PARD3B: variants seen among roughly 807,000 people sequenced by gnomAD.
The protein encoded by PARD3B is par-3 family cell polarity regulator beta.
A neutral mutation model predicts 130.2 loss-of-function variants in PARD3B; 103 were observed. That is an observed-to-expected ratio of 0.79 (90% CI 0.67 to 0.93). The LOEUF is 0.93. Among genes scored for constraint, PARD3B ranks in the 40% least tolerant of loss-of-function variants. The probability of loss-of-function intolerance (pLI) is 0.00; values close to 1 mark genes in which losing one functional copy is unlikely to be tolerated. For missense variants in PARD3B, 1,609 were observed against 1,499.2 expected (o/e 1.07, Z -1.21); for synonymous variants, 583 against 553.2 (o/e 1.05, Z -0.76).
chr2:205,019,786 CA>C (rs1215469448), intron 3 of PARD3B, among the ~76,000 whole-genome samples: 2 of 152,002 alleles, frequency 1.3e-5, no homozygotes, highest in Non-Finnish European at 2.9e-5. Flanking sequence ...AACTTTGTTT[CA>C]AAGTTACAGA....
chr2:205,104,433 C>T lies in PARD3B; in HGVS notation c.512C>T (p.Thr171Met), dbSNP rs374453548. ...GACTTTGTTTCACTATAGGATTCCA[C>T]GCAGAACTTGGAAGACAGAGAAGTT... Reference protein sequence around the residue: ...QSLKLVVPDSTQNLEDREVLN... With the variant: ...QSLKLVVPDSMQNLEDREVLN... The change falls in exon 5 of 23, where the codon ACG (threonine) becomes ATG (methionine). Residue 171 changes from threonine (T) to methionine (M), a missense_variant. By Grantham distance (81) the Thr-to-Met change is moderately conservative (BLOSUM62 -1). Transcript: ENST00000406610. 29 of 1,595,546 alleles carry T rather than the reference C, an allele frequency of 1.8e-5. No individual in the cohort carries two copies. The highest frequency in any genetic ancestry group is 9.4e-5 in the African/African-American group (7 of 74,604).
intron 2 of PARD3B, among the ~76,000 whole-genome samples, chr2:204,867,845 A>C (rs2045486027): frequency 2.0e-5 from 3 of 152,198 alleles, no homozygotes; most frequent in Admixed American, 2.0e-4. Flanking sequence ...GTTAATCTTT[A>C]ACTGTTCTTT....
chr2:204,892,781 T>C (rs1260320676), intron 2 of PARD3B, among the ~76,000 whole-genome samples: 1 of 152,204 alleles, frequency 6.6e-6, no homozygotes, highest in Non-Finnish European at 1.5e-5. Context: ...GAGTCTTTTC[T>C]GTGCAACTAC....
At chr2:204,661,249 G>A (rs1313107257) in intron 1 of PARD3B, among the ~76,000 whole-genome samples, 2 of 152,118 alleles carry the variant, frequency 1.3e-5, no homozygotes, top group African/African-American at 2.4e-5. Flanking sequence ...ATTACCCAGT[G>A]ACATTCACAG....
intron 20 of PARD3B, among the ~76,000 whole-genome samples, chr2:205,478,121 G>T (rs2049089959): frequency 6.6e-6 from 1 of 152,192 alleles, no homozygotes; most frequent in Non-Finnish European, 1.5e-5. Flanking sequence ...TGTCCACAAA[G>T]TATTAATTCA....
At chr2:204,777,642 G>A (rs1344450391) in intron 2 of PARD3B, among the ~76,000 whole-genome samples, 1 of 152,078 alleles carries the variant, frequency 6.6e-6, no homozygotes, top group Non-Finnish European at 1.5e-5. Context: ...TGTGGTGCAT[G>A]CTTGTGGTCC....
At chr2:205,367,714 A>G (rs529903746) in intron 18 of PARD3B, among the ~76,000 whole-genome samples, 17 of 152,354 alleles carry the variant, frequency 1.1e-4, no homozygotes, top group African/African-American at 3.6e-4. Context: ...TCACCAGTGT[A>G]AGTGGGCTTG....
At chr2:204,743,601 C>T (rs1430186977) in intron 2 of PARD3B, among the ~76,000 whole-genome samples, 1 of 152,164 alleles carries the variant, frequency 6.6e-6, no homozygotes, top group African/African-American at 2.4e-5. Flanking sequence ...GGGTTTATAT[C>T]AGCCAGCTCA....
At chr2:205,411,051 G>A (rs554281666) in intron 19 of PARD3B, among the ~76,000 whole-genome samples, 2 of 152,140 alleles carry the variant, frequency 1.3e-5, no homozygotes, top group Admixed American at 1.3e-4. Context: ...TGACCCCAGT[G>A]GGTATTTGAC....
intron 3 of PARD3B, among the ~76,000 whole-genome samples, chr2:205,008,501 A>G (rs749832223): frequency 5.3e-5 from 8 of 152,184 alleles, no homozygotes; most frequent in Non-Finnish European, 1.0e-4. Flanking sequence ...TGACATTAAT[A>G]TAATACTTAA....
chr2:204,837,032 T>G (rs1490103219), intron 2 of PARD3B, among the ~76,000 whole-genome samples: 1 of 152,180 alleles, frequency 6.6e-6, no homozygotes, highest in Non-Finnish European at 1.5e-5. Flanking sequence ...AAATCACACT[T>G]TTGATACCCA....
intron 18 of PARD3B, among the ~76,000 whole-genome samples, chr2:205,395,306 T>C (rs1050779525): frequency 1.3e-5 from 2 of 152,260 alleles, no homozygotes; most frequent in Non-Finnish European, 2.9e-5. Context: ...AATGACTTTA[T>C]GTTGCCAAAT....
intron 21 of PARD3B, among the ~76,000 whole-genome samples, chr2:205,533,149 A>G (rs2051679147): frequency 6.6e-6 from 1 of 152,156 alleles, no homozygotes; most frequent in African/African-American, 2.4e-5. Context: ...TTTTTCACTC[A>G]AGGAAAATAT....
chr2:205,597,135 T>C (rs1375173445), intron 22 of PARD3B, among the ~76,000 whole-genome samples: 7 of 152,080 alleles, frequency 4.6e-5, no homozygotes, highest in Admixed American at 1.3e-4. Context: ...TACAAATGAA[T>C]GTGTCTTCCA....
chr2:204,603,092 T>C (rs2033579716), intron 1 of PARD3B, among the ~76,000 whole-genome samples: 2 of 152,172 alleles, frequency 1.3e-5, no homozygotes, highest in African/African-American at 4.8e-5. Flanking sequence ...AAAAGAGCCT[T>C]CCTGCTCAGC....
chr2:205,146,875 C>T lies in PARD3B; in HGVS notation c.1435-11847C>T, dbSNP rs1000230729. Among the ~76,000 whole-genome samples the T allele has an allele frequency of 2.6e-5, 4 of 151,698 alleles. No individual in the cohort carries two copies. The highest frequency in any genetic ancestry group is 2.1e-4 in the South Asian group (1 of 4,790). On this transcript the variant is annotated intron_variant, in intron 10 of 22. Coordinates refer to ENST00000406610, the MANE Select transcript of PARD3B (RefSeq NM_001302769.2). The surrounding 1 kb of genome is among the most constrained non-coding windows in gnomAD (Gnocchi z 4.3). ...CCTGAGTAGCTGGGATTATAGGACC[C>T]GGCTAATTTTTTGTATTTTTAGTAG...
chr2:205,431,508 T>C (rs1242853862), intron 19 of PARD3B, among the ~76,000 whole-genome samples: 3 of 152,144 alleles, frequency 2.0e-5, no homozygotes, highest in African/African-American at 7.2e-5. Context: ...CTTGCACTGT[T>C]GTCCAGGCTT....
At chr2:204,952,317 G>C (rs1398986662) in intron 2 of PARD3B, among the ~76,000 whole-genome samples, 1 of 149,096 alleles carries the variant, frequency 6.7e-6, no homozygotes, top group African/African-American at 2.6e-5. Flanking sequence ...AAAACCAAAG[G>C]CCCATCAATC....
In PARD3B at chr2:205,250,892, G is replaced by A. The variant is rs954576282; in HGVS notation, c.2185+5070G>A. Reference sequence around the variant, plus strand: ...TGCAGTGAGCCAAGATCACACCACTGTGCCCCAGCCTGGGCAACAGAGCAA... The same window carrying A: ...TGCAGTGAGCCAAGATCACACCACTATGCCCCAGCCTGGGCAACAGAGCAA... On this transcript the variant is annotated intron_variant, in intron 16 of 22. Coordinates refer to ENST00000406610, the MANE Select transcript of PARD3B (RefSeq NM_001302769.2). Among the ~76,000 whole-genome samples the A allele has an allele frequency of 1.1e-3, 168 of 152,060 alleles. 1 individual carries two copies. Among genetic ancestry groups the A allele is most frequent in the African/African-American group, 3.8e-3 (157 of 41,418 alleles).
Sources: gnomAD v4.1 joint callset for allele counts (sites outside exome capture counted in the v4.1 genomes callset) on GRCh38, gnomAD v4.1.1 for gene constraint, Gnocchi (gnomAD v3.1) non-coding constraint, MANE v1.5 for transcripts, NCBI Gene and HGNC (gene_info 2026-07-23, HGNC 2026-07-21) for gene names.